The following FRY variants were observed in gnomAD, a reference collection of about 807,000 sequenced individuals.
FRY encodes protein furry homolog.
In FRY, 128 loss-of-function variants were observed where a neutral mutation model predicts 348.4. The ratio of observed to expected loss-of-function variants is 0.37; its 90% confidence interval spans 0.32 to 0.43. FRY has a LOEUF of 0.43. Among genes scored for constraint, FRY ranks in the 20% least tolerant of loss-of-function variants. The probability of loss-of-function intolerance (pLI) is 1.00; values close to 1 mark genes in which losing one functional copy is unlikely to be tolerated. For synonymous variants in FRY, 1,370 were observed against 1,374.7 expected (o/e 1.00, Z 0.08); for missense variants, 2,736 against 3,695.2 (o/e 0.74, Z 6.73).
Position 32,252,273 on chromosome 13 carries a change from C to T in FRY, c.7245+321C>T, listed in dbSNP as rs147243752. ...CAACGTAAATGATAATCTCCACTGA[C>T]CACCATGTATGACATATATGCTCAT... On this transcript the variant is annotated intron_variant, in intron 50 of 60. Transcript: ENST00000542859. Among the ~76,000 whole-genome samples the T allele has an allele frequency of 9.2e-4, 140 of 152,176 alleles. 1 individual carries two copies. In the Middle Eastern group the frequency reaches 0.01, roughly 11 times the overall value.
At chr13:32,083,944 C>T (rs989953651) in intron 2 of FRY, among the ~76,000 whole-genome samples, 1 of 152,140 alleles carries the variant, frequency 6.6e-6, no homozygotes, top group African/African-American at 2.4e-5. Context: ...AACAAACAGT[C>T]CTCTCCCTGG....
At chr13:32,083,555 TG>T (rs1191288487) in intron 2 of FRY, among the ~76,000 whole-genome samples, 1 of 152,180 alleles carries the variant, frequency 6.6e-6, no homozygotes, top group African/African-American at 2.4e-5. Flanking sequence ...TCCACGGTTG[TG>T]GGAGTGTTTC....
At chr13:32,080,240 C>T (rs1350088399) in intron 2 of FRY, among the ~76,000 whole-genome samples, 1 of 152,194 alleles carries the variant, frequency 6.6e-6, no homozygotes, top group Non-Finnish European at 1.5e-5. Flanking sequence ...ATCCTTACTA[C>T]AGGACCTTTA....
chr13:32,230,836 T>C (rs1885869761), intron 40 of FRY, among the ~76,000 whole-genome samples: 1 of 152,250 alleles, frequency 6.6e-6, no homozygotes, highest in African/African-American at 2.4e-5. Context: ...TTTTGACTTT[T>C]TAATAATCAC....
At chr13:32,113,393 G>T (rs1346746142) in intron 3 of FRY, among the ~76,000 whole-genome samples, 1 of 152,178 alleles carries the variant, frequency 6.6e-6, no homozygotes, top group African/African-American at 2.4e-5. Flanking sequence ...CAAGTATAAT[G>T]AAATGCTTAT....
chr13:32,211,273 C>T (rs976927765), intron 34 of FRY, among the ~76,000 whole-genome samples: 9 of 152,162 alleles, frequency 5.9e-5, no homozygotes, highest in African/African-American at 1.9e-4. Context: ...GCCTGGCCAA[C>T]GTGACAAAAC....
intron 1 of FRY, among the ~76,000 whole-genome samples, chr13:32,055,753 T>C (rs2138421793): frequency 6.6e-6 from 1 of 152,336 alleles, no homozygotes; most frequent in South Asian, 2.1e-4. Flanking sequence ...GGGGTACCTA[T>C]AAGCTGAGTA....
chr13:32,242,426 AAC>A (rs1394782961), intron 46 of FRY, among the ~76,000 whole-genome samples: 2 of 152,306 alleles, frequency 1.3e-5, no homozygotes, highest in African/African-American at 4.8e-5. Context: ...TTTTTAATTT[AAC>A]ACTTTTTATT....
chr13:32,157,152 T>G (rs987535494), intron 15 of FRY, 121 bp from the exon 16 acceptor site: 5 of 881,566 alleles, frequency 5.7e-6, no homozygotes, highest in African/African-American at 1.7e-5. Context: ...AGACAGCCCT[T>G]TTGCTCAAGG....
intron 4 of FRY, among the ~76,000 whole-genome samples, chr13:32,117,990 A>T (rs759957296): frequency 4.6e-5 from 7 of 152,182 alleles, no homozygotes; most frequent in Non-Finnish European, 8.8e-5. Flanking sequence ...CAAGGAAGTT[A>T]GGTGACACCA....
intron 3 of FRY, among the ~76,000 whole-genome samples, chr13:32,107,812 G>C (rs1877665462): frequency 6.6e-6 from 1 of 152,198 alleles, no homozygotes; most frequent in African/African-American, 2.4e-5. Context: ...GTTCAGAGCA[G>C]TATGGGCTAT....
rs1873426017 is a variant in FRY at position 32,053,023 on chromosome 13, G to A, written c.70+21158G>A. Among the ~76,000 whole-genome samples, 4 of 151,882 alleles carry A rather than the reference G, an allele frequency of 2.6e-5. No individual in the cohort carries two copies. In the South Asian group the frequency reaches 8.3e-4, roughly 32 times the overall value. On this transcript the variant is annotated intron_variant, in intron 1 of 60. Coordinates refer to ENST00000542859, the MANE Select transcript of FRY (RefSeq NM_023037.3). The stretch of plus-strand genomic sequence containing the variant: ...ATCTACTCGGGAGGCTGAGGCAGGA[G>A]AATCGCTTGAACCCGGGAGGCGGAG...
intron 1 of FRY, among the ~76,000 whole-genome samples, chr13:32,042,152 A>G (rs1317034280): frequency 6.6e-6 from 1 of 152,156 alleles, no homozygotes; most frequent in Non-Finnish European, 1.5e-5. Context: ...CCATTAGTCA[A>G]CCACTTTATG....
chr13:32,222,278 T>A (rs1461178132), intron 36 of FRY, among the ~76,000 whole-genome samples: 1 of 151,864 alleles, frequency 6.6e-6, no homozygotes, highest in Non-Finnish European at 1.5e-5. Flanking sequence ...GGTGCGCTGG[T>A]AGGAGATAAG....
At chr13:32,121,695 T>C (rs1363946126) in intron 4 of FRY, among the ~76,000 whole-genome samples, 2 of 152,232 alleles carry the variant, frequency 1.3e-5, no homozygotes, top group Non-Finnish European at 2.9e-5. Flanking sequence ...GTCAGATGTA[T>C]AGATTGTGAA....
At position 32,183,002 on chromosome 13, in the gene FRY, T is replaced by G. The variant is rs1332945507; in HGVS notation, c.3022T>G (p.Leu1008Val). Reference protein sequence around the residue: ...FRELVEELHPLMKEALERRPE... With the variant: ...FRELVEELHPVMKEALERRPE... Reference sequence around the variant, plus strand: ...AGAATTGGTAGAAGAACTTCATCCATTAATGAAAGAAGCTCTGGAAAGAAG... The same window carrying G: ...AGAATTGGTAGAAGAACTTCATCCAGTAATGAAAGAAGCTCTGGAAAGAAG... The change falls in exon 24 of 61, where the codon TTA becomes GTA. Residue 1008 changes from leucine (L) to valine (V), a missense_variant. This residue lies in a region of FRY where 449 missense variants were observed against 576.9 expected (regional missense o/e 0.78). Transcript: ENST00000542859. 6.2e-7 allele frequency: 1 copy of G among 1,606,722 alleles called. No individual in the cohort carries two copies. The highest frequency in any genetic ancestry group is 1.7e-5 in the Admixed American group (1 of 59,900).
Position 32,286,747 on chromosome 13 carries a change from CAAAAAAAAAAAAAAAAAAAA to C in FRY, c.8470-2868_8470-2849del, listed in dbSNP as rs6144991. Reference sequence around the variant, plus strand: ...GGGGAGACAGAGCAAGACTCTGTCTCAAAAAAAAAAAAAAAAAAAAAAAAAAAAAAAAAAAAAGATGGTAG... The same window carrying C: ...GGGGAGACAGAGCAAGACTCTGTCTCAAAAAAAAAAAAAAAAAGATGGTAG... On this transcript the variant is annotated intron_variant, in intron 58 of 60. Coordinates refer to ENST00000542859, the MANE Select transcript of FRY (RefSeq NM_023037.3). 1.2e-4 allele frequency among the ~76,000 whole-genome samples: 9 copies of C among 77,492 alleles called. 1 individual carries two copies. The highest frequency in any genetic ancestry group is 5.0e-4 in the South Asian group (1 of 1,986). 50.8% of individuals were successfully genotyped at this position (77,492 alleles called of 152,430 possible).
chr13:32,274,511 T>C (rs111745466), intron 55 of FRY, among the ~76,000 whole-genome samples: 16,389 of 151,630 alleles, frequency 0.11, 1,084 homozygotes, highest in African/African-American at 0.16. Context: ...GAGACCATCC[T>C]GGCTAACACA....
intron 44 of FRY, among the ~76,000 whole-genome samples, chr13:32,238,734 G>A (rs1886349089): frequency 6.6e-6 from 1 of 152,142 alleles, no homozygotes; most frequent in Admixed American, 6.5e-5. Context: ...ACAGGTGTGA[G>A]CCACCATGCC....
Sources: gnomAD v4.1 joint callset for allele counts (sites outside exome capture counted in the v4.1 genomes callset) on GRCh38, gnomAD v4.1.1 for gene constraint, gnomAD v4.1.1 regional missense constraint, MANE v1.5 for transcripts, NCBI Gene and HGNC (gene_info 2026-07-23, HGNC 2026-07-21) for gene names.